Variants in LNPEP observed in about 807,000 individuals in gnomAD.
LNPEP encodes the protein leucyl-cystinyl aminopeptidase.
A neutral mutation model predicts 120.6 loss-of-function variants in LNPEP; 64 were observed. The observed-to-expected ratio is 0.53, with a 90% confidence interval of 0.43 to 0.65. The LOEUF (loss-of-function observed/expected upper bound fraction) is 0.65. LNPEP is among the 30% of genes least tolerant of loss of function. LNPEP has a pLI of 0.00. For synonymous variants in LNPEP, 435 were observed against 425.4 expected (o/e 1.02, Z -0.28); for missense variants, 1,057 against 1,200.0 (o/e 0.88, Z 1.76).
At chr5:97,004,700 C>G (rs529321807) in intron 9 of LNPEP, among the ~76,000 whole-genome samples, 1 of 152,266 alleles carries the variant, frequency 6.6e-6, no homozygotes, top group Non-Finnish European at 1.5e-5. Flanking sequence ...TTTGCCTCAT[C>G]TGAATCCTGA....
chr5:96,974,083 C>T (rs1789935559), intron 1 of LNPEP, among the ~76,000 whole-genome samples: 1 of 152,112 alleles, frequency 6.6e-6, no homozygotes, highest in Non-Finnish European at 1.5e-5. Flanking sequence ...TTCTTTTAGA[C>T]CTGGGCTGGT....
chr5:96,985,183 G>A lies in LNPEP; in HGVS notation c.964G>A (p.Asp322Asn). ...CACTTTTATCATCAAGATCATAAGG[G>A]ATGAGCAATACACCGCTTTATCAAA... Reference protein sequence around the residue: ...KATFIIKIIRDEQYTALSNMP... With the variant: ...KATFIIKIIRNEQYTALSNMP... Residue 322 changes from aspartate to asparagine, a missense_variant, in exon 3 of 18, where the codon GAT becomes AAT. Coordinates refer to ENST00000231368, the MANE Select transcript of LNPEP (RefSeq NM_005575.3). The A allele has an allele frequency of 6.2e-7, 1 of 1,613,860 alleles. No homozygotes were observed. Among genetic ancestry groups the A allele is most frequent in the Non-Finnish European group, 8.5e-7 (1 of 1,179,830 alleles).
intron 1 of LNPEP, among the ~76,000 whole-genome samples, chr5:96,960,246 T>C (rs2112579478): frequency 6.6e-6 from 1 of 152,172 alleles, no homozygotes; most frequent in East Asian, 1.9e-4. Context: ...CCAAAATTTA[T>C]CTTAATTCAG....
rs917241823 is a variant in LNPEP, at chr5:97,035,404, T to C, written c.*6871T>C. ...AATAGTTGTGTGTTGTTTACTTACT[T>C]GTCTGTTTTAGAGAGATTTCTATTT... On this transcript the variant is annotated 3_prime_UTR_variant, in exon 18 of 18. Coordinates refer to ENST00000231368, the MANE Select transcript of LNPEP (RefSeq NM_005575.3). The C allele has an allele frequency of 4.6e-5, 7 of 152,120 alleles. No homozygotes were observed. The highest frequency in any genetic ancestry group is 1.4e-4 in the African/African-American group (6 of 41,432). The allele number at this position is 152,120 out of a possible 1,614,324, so 9.4% of individuals were successfully genotyped here.
chr5:96,969,883 T>C (rs1239560518), intron 1 of LNPEP, among the ~76,000 whole-genome samples: 1 of 151,654 alleles, frequency 6.6e-6, no homozygotes, highest in East Asian at 1.9e-4. Context: ...TGATATATTA[T>C]GTTTTTATTA....
rs376473746 is a variant in LNPEP at position 96,985,044 on chromosome 5, T to C, written c.861-36T>C. On this transcript the variant is annotated intron_variant, in intron 2 of 17. Transcript: ENST00000231368. Reference sequence around the variant, plus strand: ...GCAGGGTGCCTTGTACAGTAGGTGCTCAGTAACTACTGGATTGAATTTGTG... The same window carrying C: ...GCAGGGTGCCTTGTACAGTAGGTGCCCAGTAACTACTGGATTGAATTTGTG... The C allele has an allele frequency of 5.3e-5, 85 of 1,611,486 alleles. No homozygotes were observed. The Middle Eastern group carries it at 1.3e-3, about 25-fold the overall frequency.
intron 1 of LNPEP, among the ~76,000 whole-genome samples, chr5:96,943,476 G>A (rs188053636): frequency 1.7e-4 from 26 of 152,206 alleles, no homozygotes; most frequent in Admixed American, 1.3e-3. Flanking sequence ...TTGTAGAGAT[G>A]GAGTTTTGCC....
intron 1 of LNPEP, among the ~76,000 whole-genome samples, chr5:96,951,352 G>A (rs919034171): frequency 1.3e-5 from 2 of 151,990 alleles, no homozygotes; most frequent in Admixed American, 6.6e-5. Context: ...TCCGCCTCCC[G>A]GGTTCACGCC....
At chr5:96,941,938 A>G (rs1789064117) in intron 1 of LNPEP, among the ~76,000 whole-genome samples, 2 of 152,186 alleles carry the variant, frequency 1.3e-5, no homozygotes, top group Non-Finnish European at 2.9e-5. Context: ...TCTTTGGTTC[A>G]GAAATGAGCT....
intron 1 of LNPEP, among the ~76,000 whole-genome samples, chr5:96,949,646 A>C (rs541724324): frequency 5.3e-5 from 8 of 152,368 alleles, no homozygotes; most frequent in African/African-American, 1.9e-4. Context: ...GCCTTCAAGA[A>C]AATGCAATAT....
chr5:96,943,690 A>G (rs1789114883), intron 1 of LNPEP, among the ~76,000 whole-genome samples: 1 of 152,210 alleles, frequency 6.6e-6, no homozygotes, highest in South Asian at 2.1e-4. Context: ...CATCCTTAAC[A>G]TGTAAATGAG....
intron 11 of LNPEP, among the ~76,000 whole-genome samples, chr5:97,009,880 G>C (rs185104034): frequency 3.7e-4 from 57 of 152,154 alleles, no homozygotes; most frequent in African/African-American, 1.3e-3. Flanking sequence ...GTGACTTCAG[G>C]CTTCTTTTAT....
rs1273126921 is a variant in LNPEP, at chr5:96,998,068, T to C, written c.1576T>C (p.Ser526Pro). The C allele has an allele frequency of 1.9e-6, 3 of 1,580,968 alleles. No individual in the cohort carries two copies. Among genetic ancestry groups the C allele is most frequent in the Non-Finnish European group, 2.6e-6 (3 of 1,154,860 alleles). ...FKTMKKDSLN[S>P]SHPISSSVQS... ...AACCATGAAGAAAGATTCCTTAAAT[T>C]CATCTCATCCAATATCATCATCTGT... The change falls in exon 8 of 18, where the codon TCA becomes CCA. Residue 526 changes from serine (S) to proline (P), a missense_variant. Coordinates refer to ENST00000231368, the MANE Select transcript of LNPEP (RefSeq NM_005575.3).
At chr5:96,951,313 C>T (rs937769277) in intron 1 of LNPEP, among the ~76,000 whole-genome samples, 1 of 151,944 alleles carries the variant, frequency 6.6e-6, no homozygotes, top group African/African-American at 2.4e-5. Context: ...GGCTGGAGTG[C>T]AGTGGCGCGA....
At chr5:97,020,796 C>T (rs1008740579) in intron 13 of LNPEP, among the ~76,000 whole-genome samples, 5 of 151,990 alleles carry the variant, frequency 3.3e-5, no homozygotes, top group Admixed American at 6.6e-5. Flanking sequence ...AGCAAGACTC[C>T]ATCTCAAAAA....
At chr5:97,004,338 C>T (rs1317613648) in intron 9 of LNPEP, among the ~76,000 whole-genome samples, 1 of 152,046 alleles carries the variant, frequency 6.6e-6, no homozygotes, top group Non-Finnish European at 1.5e-5. Context: ...TATGGTGAAA[C>T]CCCGTCTCCA....
Position 96,979,774 on chromosome 5 carries a change from T to G in LNPEP, c.656T>G (p.Val219Gly). Residue 219 changes from valine to glycine, a missense_variant, in exon 2 of 18, where the codon GTG becomes GGG. Transcript: ENST00000231368. ...LHSTGHNISR[V>G]TFMSAVSSQE... The stretch of plus-strand genomic sequence containing the variant: ...AGCACAGGTCATAATATTTCAAGAG[T>G]GACCTTTATGTCAGCAGTTTCAAGC... 6.2e-7 allele frequency: 1 copy of G among 1,613,970 alleles called. No individual in the cohort carries two copies. The highest frequency in any genetic ancestry group is 8.5e-7 in the Non-Finnish European group (1 of 1,179,936).
At chr5:96,964,537 G>C (rs916145567) in intron 1 of LNPEP, among the ~76,000 whole-genome samples, 4 of 151,788 alleles carry the variant, frequency 2.6e-5, no homozygotes, top group African/African-American at 9.7e-5. Context: ...TTTTTTGTCT[G>C]CATAATATCT....
chr5:96,958,435 A>G (rs984215217), intron 1 of LNPEP: 4 of 983,656 alleles, frequency 4.1e-6, no homozygotes, highest in Non-Finnish European at 4.8e-6. Context: ...GAAATGCCAC[A>G]GCTGAACTTG....
Sources: allele counts gnomAD v4.1 joint callset (sites outside exome capture counted in the v4.1 genomes callset), GRCh38; gene constraint gnomAD v4.1.1; transcripts MANE v1.5; gene names NCBI Gene and HGNC (gene_info 2026-07-23, HGNC 2026-07-21).